Variants in SCN1A observed in about 807,000 individuals in gnomAD.
The protein encoded by SCN1A is sodium channel protein type 1 subunit alpha.
SCN1A carries 13 observed loss-of-function variants against 193.7 expected under a neutral mutation model. The observed-to-expected ratio is 0.07, with a 90% CI of 0.04 to 0.11. The LOEUF is 0.11. SCN1A is among the 10% of genes least tolerant of loss of function. SCN1A has a pLI of 1.00. For synonymous variants in SCN1A, 781 were observed against 843.6 expected (o/e 0.93, Z 1.29); for missense variants, 1,432 against 2,451.1 (o/e 0.58, Z 8.78).
chr2:166,052,390 C>T (rs534276265), intron 8 of SCN1A, among the ~76,000 whole-genome samples: 2 of 151,890 alleles, frequency 1.3e-5, no homozygotes, highest in Admixed American at 6.6e-5. Context: ...AAAGATTTTG[C>T]TGTACAACCG....
upstream of SCN1A, among the ~76,000 whole-genome samples, chr2:166,130,948 G>C (rs183227842): frequency 6.6e-6 from 1 of 152,096 alleles, no homozygotes; most frequent in African/African-American, 2.4e-5. Flanking sequence ...ACAAAACTCT[G>C]TGCTACCCTA....
intron 1 of SCN1A, among the ~76,000 whole-genome samples, chr2:166,136,503 T>C (rs374584756): frequency 2.6e-5 from 4 of 152,124 alleles, no homozygotes; most frequent in African/African-American, 9.7e-5. Flanking sequence ...GTCCCTCTGC[T>C]CTCTAGGACA....
chr2:166,139,936 A>G (rs1478411719), intron 1 of SCN1A, among the ~76,000 whole-genome samples: 3 of 152,212 alleles, frequency 2.0e-5, no homozygotes, highest in Non-Finnish European at 4.4e-5. Context: ...ATATTCAAGC[A>G]GTACTATTTT....
chr2:166,001,406 A>G (rs1221916802), intron 24 of SCN1A, among the ~76,000 whole-genome samples: 1 of 151,836 alleles, frequency 6.6e-6, no homozygotes. Flanking sequence ...GAATTTGTAA[A>G]GTAATCATAG....
intron 1 of SCN1A, among the ~76,000 whole-genome samples, chr2:166,141,683 G>T (rs923242024): frequency 2.6e-5 from 4 of 151,272 alleles, no homozygotes; most frequent in Admixed American, 2.6e-4. Flanking sequence ...TATTTAATCA[G>T]TTCTCAGATG....
intron 4 of SCN1A, among the ~76,000 whole-genome samples, chr2:166,064,627 T>C (rs1450170475): frequency 6.6e-6 from 1 of 152,184 alleles, no homozygotes; most frequent in African/African-American, 2.4e-5. Flanking sequence ...GGATGGACAT[T>C]GAATTTAACA....
At chr2:166,029,300 C>T (rs563419726) in intron 19 of SCN1A, among the ~76,000 whole-genome samples, 26 of 152,022 alleles carry the variant, frequency 1.7e-4, no homozygotes, top group Admixed American at 1.0e-3. Context: ...ACTACACTAG[C>T]GAGAGGAGAC....
At chr2:166,078,091 A>G (rs958929808) in intron 2 of SCN1A, among the ~76,000 whole-genome samples, 1 of 151,858 alleles carries the variant, frequency 6.6e-6, no homozygotes, top group Non-Finnish European at 1.5e-5. Context: ...TAGTGGACAC[A>G]TGTCATTATA....
At chr2:166,003,152 C>G (rs1428975833) in intron 23 of SCN1A, among the ~76,000 whole-genome samples, 1 of 151,306 alleles carries the variant, frequency 6.6e-6, no homozygotes, top group South Asian at 2.1e-4. Context: ...AAGAACAAAA[C>G]TAAAACATTT....
At chr2:166,056,370 C>G in intron 6 of SCN1A, 41 bp downstream of exon 6, 1 of 1,236,606 alleles carries the variant, frequency 8.1e-7, no homozygotes. Context: ...TTTCAAAATC[C>G]CAAATGTATA....
chr2:166,109,121 C>A (rs1001321658), intron 2 of SCN1A, among the ~76,000 whole-genome samples: 3 of 151,980 alleles, frequency 2.0e-5, no homozygotes, highest in Non-Finnish European at 4.4e-5. Flanking sequence ...TAGTAATTTT[C>A]TTTTTGCCTA....
chr2:166,032,038 G>A (rs186593603), intron 19 of SCN1A, among the ~76,000 whole-genome samples: 13 of 151,956 alleles, frequency 8.6e-5, no homozygotes, highest in Admixed American at 6.6e-4. Flanking sequence ...TAATTTTGGA[G>A]GTATTATAAT....
chr2:166,115,397 T>C (rs1689745964), intron 2 of SCN1A, among the ~76,000 whole-genome samples: 1 of 151,898 alleles, frequency 6.6e-6, no homozygotes. Context: ...CTCAAAATGA[T>C]AAAAGGAGAA....
rs531411777 is a variant in SCN1A, at chr2:166,125,796, C to T, written c.-142+1128G>A. 3.7e-4 allele frequency among the ~76,000 whole-genome samples: 57 copies of T among 152,132 alleles called. 1 individual carries two copies. The South Asian group carries it at 0.011, about 29-fold the overall frequency. On this transcript the variant is annotated intron_variant, in intron 2 of 28. Transcript: ENST00000674923. ...CAATTGTGCCCCGCCTTGCCCCAGC[C>T]CATAGATGGACAATCCCTCCTGCCA...
intron 2 of SCN1A, among the ~76,000 whole-genome samples, chr2:166,112,278 T>C (rs1689376240): frequency 6.6e-6 from 1 of 152,140 alleles, no homozygotes; most frequent in African/African-American, 2.4e-5. Context: ...TCAGCATCCA[T>C]CAACATCAAA....
intron 2 of SCN1A, among the ~76,000 whole-genome samples, chr2:166,080,060 T>C (rs1488966192): frequency 1.3e-5 from 2 of 151,570 alleles, no homozygotes; most frequent in Admixed American, 6.6e-5. Context: ...TGAAAAATTG[T>C]TCTAAATTAC....
intron 1 of SCN1A, among the ~76,000 whole-genome samples, chr2:166,140,894 C>G (rs1275054082): frequency 1.3e-5 from 2 of 152,168 alleles, no homozygotes; most frequent in Non-Finnish European, 2.9e-5. Context: ...TGGCCACATA[C>G]TGGCAGCATC....
chr2:166,011,277 T>G (rs1692412038), intron 22 of SCN1A, among the ~76,000 whole-genome samples: 2 of 151,182 alleles, frequency 1.3e-5, no homozygotes, highest in African/African-American at 4.8e-5. Context: ...AGTATCTTTT[T>G]GGGGTAAAAC....
chr2:166,144,093 T>G (rs1692206385), intron 1 of SCN1A, among the ~76,000 whole-genome samples: 1 of 152,216 alleles, frequency 6.6e-6, no homozygotes, highest in African/African-American at 2.4e-5. Flanking sequence ...TTAAAATTTG[T>G]TTTTTGGTTC....
Sources: gnomAD v4.1 joint callset for allele counts (sites outside exome capture counted in the v4.1 genomes callset) on GRCh38, gnomAD v4.1.1 for gene constraint, MANE v1.5 for transcripts, NCBI Gene and HGNC (gene_info 2026-07-23, HGNC 2026-07-21) for gene names.